Variants in KIF6 observed in about 807,000 individuals in gnomAD.
The protein encoded by KIF6 is kinesin family member 6.
A neutral mutation model predicts 112.7 loss-of-function variants in KIF6; 106 were observed. That is an observed-to-expected ratio of 0.94 (90% CI 0.80 to 1.11). The LOEUF (loss-of-function observed/expected upper bound fraction) is 1.11, where lower values mean the gene tolerates loss of function less well. Ranked by LOEUF, KIF6 falls within the 50% of genes least tolerant of loss-of-function variation. KIF6 has a pLI of 0.00. For synonymous variants in KIF6, 339 were observed against 339.9 expected, an observed-to-expected ratio of 1.00 and a Z score of 0.03; for missense variants, 929 against 964.0, an observed-to-expected ratio of 0.96 and a Z score of 0.48.
At chr6:39,634,730 G>A (rs913239687) in intron 5 of KIF6, 119 bp downstream of exon 5, 36 of 717,950 alleles carry the variant, frequency 5.0e-5, no homozygotes, top group African/African-American at 1.3e-4. Context: ...AAAAAGATAC[G>A]GTTATCCAGT....
chr6:39,350,989 A>C (rs142600164), intron 19 of KIF6, among the ~76,000 whole-genome samples: 1,548 of 152,254 alleles, frequency 0.01, 26 homozygotes, highest in African/African-American at 0.036. Context: ...CGCCGGCAGC[A>C]ACCACAGGGG....
intron 3 of KIF6, among the ~76,000 whole-genome samples, chr6:39,708,768 T>C (rs1046870618): frequency 3.3e-5 from 5 of 152,122 alleles, no homozygotes; most frequent in African/African-American, 1.2e-4. Flanking sequence ...CCTCCCTAAG[T>C]CTTTGAATGA....
At chr6:39,398,957 G>A (rs1201451559) in intron 15 of KIF6, among the ~76,000 whole-genome samples, 1 of 152,208 alleles carries the variant, frequency 6.6e-6, no homozygotes, top group East Asian at 1.9e-4. Context: ...CATAATGGGA[G>A]TGGGCCTCAC....
At chr6:39,717,447 A>G (rs1382144778) in intron 2 of KIF6, among the ~76,000 whole-genome samples, 1 of 151,602 alleles carries the variant, frequency 6.6e-6, no homozygotes, top group African/African-American at 2.4e-5. Flanking sequence ...TGGCTTCCTC[A>G]CCTCCATCAA....
chr6:39,336,993 T>C (rs1237881470), intron 22 of KIF6, among the ~76,000 whole-genome samples: 1 of 149,532 alleles, frequency 6.7e-6, no homozygotes, highest in Non-Finnish European at 1.5e-5. Flanking sequence ...TCCCCTTCTT[T>C]CCTTCCTTTC....
At chr6:39,472,159 G>C (rs1168166239) in intron 13 of KIF6, among the ~76,000 whole-genome samples, 2 of 151,998 alleles carry the variant, frequency 1.3e-5, no homozygotes, top group Non-Finnish European at 2.9e-5. Context: ...CTACAGTCTG[G>C]TTTCTATCCT....
At chr6:39,522,928 AC>A (rs1421859708) in intron 13 of KIF6, among the ~76,000 whole-genome samples, 1 of 151,592 alleles carries the variant, frequency 6.6e-6, no homozygotes, top group Non-Finnish European at 1.5e-5. Flanking sequence ...CAAGCCTTGG[AC>A]CCCCTTATCT....
chr6:39,552,072 T>C (rs1168015455), intron 10 of KIF6, among the ~76,000 whole-genome samples: 1 of 152,192 alleles, frequency 6.6e-6, no homozygotes, highest in African/African-American at 2.4e-5. Flanking sequence ...TACACACTAA[T>C]GTTAAGAAGC....
chr6:39,384,926 G>A (rs532833035), intron 16 of KIF6, among the ~76,000 whole-genome samples: 1 of 152,206 alleles, frequency 6.6e-6, no homozygotes. Flanking sequence ...TATCAAAAAA[G>A]GGTGTTTTCT....
At chr6:39,713,626 T>C (rs980749903) in intron 3 of KIF6, among the ~76,000 whole-genome samples, 4 of 152,114 alleles carry the variant, frequency 2.6e-5, no homozygotes, top group African/African-American at 9.7e-5. Context: ...ATCTGAAAAA[T>C]GACACAACCC....
Position 39,431,227 on chromosome 6 carries a change from T to C in KIF6, c.1646-66A>G. 3.1e-6 allele frequency: 3 copies of C among 955,290 alleles called. No individual in the cohort carries two copies. The South Asian group carries it at 4.2e-5, about 13-fold the overall frequency. The allele number at this position is 955,290 out of a possible 1,614,324, so 59.2% of individuals were successfully genotyped here. A position where few individuals can be genotyped will look rare whatever the true frequency, so the allele number is the denominator to read the frequency against. On this transcript the variant is annotated intron_variant, in intron 13 of 22. Coordinates refer to ENST00000287152, the MANE Select transcript of KIF6 (RefSeq NM_145027.6). ...AGGATCCTATTAATTTCATTGTCAC[T>C]TCAGTCAGACCACAAAACCAGCCCT...
At chr6:39,542,503 AT>A (rs962493719) in intron 12 of KIF6, among the ~76,000 whole-genome samples, 3 of 151,810 alleles carry the variant, frequency 2.0e-5, no homozygotes, top group African/African-American at 7.3e-5. Flanking sequence ...CACTTTTTTT[AT>A]TTCCTGGAAG....
chr6:39,494,615 T>C (rs1775667473), intron 13 of KIF6, among the ~76,000 whole-genome samples: 1 of 152,172 alleles, frequency 6.6e-6, no homozygotes, highest in Admixed American at 6.5e-5. Context: ...GAAATCCTAA[T>C]GTTCCGACGT....
rs141376440 is a variant in KIF6 at position 39,520,426 on chromosome 6, A to G, written c.1645+19577T>C. ...TATCAGTGTCAGAACAGTGCCCAAC[A>G]CAACACACAATTCTCTGAGGCCCAA... is the stretch of plus-strand genomic sequence containing the variant. On this transcript the variant is annotated intron_variant, in intron 13 of 22. Coordinates refer to ENST00000287152, the MANE Select transcript of KIF6 (RefSeq NM_145027.6). 7.2e-5 allele frequency among the ~76,000 whole-genome samples: 11 copies of G among 152,358 alleles called. No homozygotes were observed. The East Asian group carries it at 1.9e-3, about 27-fold the overall frequency.
intron 10 of KIF6, among the ~76,000 whole-genome samples, chr6:39,560,803 A>C (rs1229609886): frequency 2.0e-5 from 3 of 152,178 alleles, no homozygotes; most frequent in African/African-American, 4.8e-5. Context: ...CTAAGTAAGT[A>C]CCTTTTCTGT....
chr6:39,536,187 A>G (rs1436752045), intron 13 of KIF6, among the ~76,000 whole-genome samples: 2 of 151,854 alleles, frequency 1.3e-5, no homozygotes, highest in Non-Finnish European at 2.9e-5. Context: ...TTCAAAAGCT[A>G]GCAGAAGGCA....
At chr6:39,438,262 C>T (rs1176463987) in intron 13 of KIF6, among the ~76,000 whole-genome samples, 3 of 152,246 alleles carry the variant, frequency 2.0e-5, no homozygotes, top group African/African-American at 7.2e-5. Flanking sequence ...GTGTGAGCCA[C>T]TGCGCCTGGC....
chr6:39,355,760 A>T (rs4714243), intron 19 of KIF6, among the ~76,000 whole-genome samples: 6 of 151,274 alleles, frequency 4.0e-5, no homozygotes, highest in Non-Finnish European at 7.4e-5. Context: ...CCACGCCTGG[A>T]CAATAGTTGT....
intron 14 of KIF6, among the ~76,000 whole-genome samples, chr6:39,425,843 T>C (rs924630285): frequency 1.3e-5 from 2 of 149,656 alleles, no homozygotes; most frequent in African/African-American, 4.9e-5. Context: ...GAAAGTCTAA[T>C]GGGAGCCAGG....
Sources: gnomAD v4.1 joint callset for allele counts (sites outside exome capture counted in the v4.1 genomes callset) on GRCh38, gnomAD v4.1.1 for gene constraint, MANE v1.5 for transcripts, NCBI Gene and HGNC (gene_info 2026-07-23, HGNC 2026-07-21) for gene names.